The following LITAF variants were observed in gnomAD, a reference collection of about 807,000 sequenced individuals.
LITAF encodes lipopolysaccharide-induced tumor necrosis factor-alpha factor.
LITAF carries 9 observed loss-of-function variants against 14.5 expected under a neutral mutation model. The observed-to-expected ratio is 0.62, with a 90% CI of 0.37 to 1.08. The LOEUF (loss-of-function observed/expected upper bound fraction) is 1.08. Ranked by LOEUF, LITAF falls within the 50% of genes least tolerant of loss-of-function variation. The pLI is 0.01. For missense variants in LITAF, 206 were observed against 213.4 expected (o/e 0.97, Z 0.22); for synonymous variants, 98 against 88.2 (o/e 1.11, Z -0.62).
intron 3 of LITAF, among the ~76,000 whole-genome samples, chr16:11,624,836 T>C (rs944821100): frequency 2.6e-5 from 4 of 152,184 alleles, no homozygotes; most frequent in African/African-American, 4.8e-5. Context: ...CTTTGACCAA[T>C]AGAATATGGT....
Position 11,605,941 on chromosome 16 carries a change from C to A in LITAF, c.85+27592G>T, listed in dbSNP as rs140973426. 6.6e-6 allele frequency among the ~76,000 whole-genome samples: 1 copy of A among 152,330 alleles called. No individual in the cohort carries two copies. Among genetic ancestry groups the A allele is most frequent in the African/African-American group, 2.4e-5 (1 of 41,578 alleles). On this transcript the variant is annotated intron_variant, in intron 3 of 3. Coordinates refer to the LITAF transcript ENST00000574848. This position sits in a 1 kb window ranked among gnomAD's most constrained non-coding sequence, Gnocchi z 4.7. ...TCCCACGGCCTGCGCACAGCCTGAT[C>A]TTCTGGGAGCCCCCATTCTTCCTTC...
chr16:11,612,713 C>A (rs2064990141), intron 3 of LITAF, among the ~76,000 whole-genome samples: 1 of 152,174 alleles, frequency 6.6e-6, no homozygotes, highest in Non-Finnish European at 1.5e-5. Context: ...TCTCCCCTGA[C>A]ATCTCTGTTT....
chr16:11,628,547 G>A (rs1188932242), intron 3 of LITAF, among the ~76,000 whole-genome samples: 1 of 151,998 alleles, frequency 6.6e-6, no homozygotes, highest in East Asian at 1.9e-4. Flanking sequence ...TCTGTTGCCC[G>A]GGCTGGAGTG....
chr16:11,594,055 G>A (rs936887060), intron 1 of LITAF, among the ~76,000 whole-genome samples: 13 of 151,768 alleles, frequency 8.6e-5, no homozygotes, highest in Non-Finnish European at 1.3e-4. Context: ...GCATGGTGGC[G>A]CACAGCTATA....
chr16:11,627,848 A>C (rs1346659031), intron 3 of LITAF, among the ~76,000 whole-genome samples: 1 of 151,956 alleles, frequency 6.6e-6, no homozygotes, highest in East Asian at 1.9e-4. Context: ...AATATCAAAA[A>C]ATAAATAAAA....
upstream of LITAF, among the ~76,000 whole-genome samples, chr16:11,592,129 C>T (rs528514198): frequency 1.4e-4 from 21 of 152,246 alleles, no homozygotes; most frequent in South Asian, 2.1e-4. Flanking sequence ...AACTTTTGTG[C>T]GCCCAAGGAC....
chr16:11,556,502 C>A lies in LITAF; in HGVS notation c.220+9G>T. The A allele has an allele frequency of 6.2e-7, 1 of 1,609,296 alleles. No homozygotes were observed. Among genetic ancestry groups the A allele is most frequent in the African/African-American group, 1.3e-5 (1 of 74,966 alleles). On this transcript the variant is annotated intron_variant, in intron 2 of 3. Coordinates refer to ENST00000622633, the MANE Select transcript of LITAF (RefSeq NM_001136472.2). ...GAATGGTAAGGGGGGCCTGGGAGGC[C>A]ACACGTACTTGGATTGTTATTGGGG...
upstream of LITAF, among the ~76,000 whole-genome samples, chr16:11,637,205 C>G (rs898408956): frequency 6.6e-6 from 1 of 152,184 alleles, no homozygotes; most frequent in Non-Finnish European, 1.5e-5. Context: ...TAAATAATTT[C>G]TTTCTATCTC....
upstream of LITAF, among the ~76,000 whole-genome samples, chr16:11,588,230 C>A (rs997190823): frequency 6.6e-6 from 1 of 152,190 alleles, no homozygotes; most frequent in Non-Finnish European, 1.5e-5. Flanking sequence ...TGCAGTGGCT[C>A]TTGCCTATAG....
intron 1 of LITAF, among the ~76,000 whole-genome samples, chr16:11,574,038 C>T (rs1250151013): frequency 6.9e-6 from 1 of 144,424 alleles, no homozygotes; most frequent in South Asian, 2.2e-4. Flanking sequence ...TTTTTAAAGA[C>T]AGGTTCTCAC....
At chr16:11,571,359 G>A (rs2064539155) in intron 1 of LITAF, among the ~76,000 whole-genome samples, 2 of 152,252 alleles carry the variant, frequency 1.3e-5, no homozygotes, top group South Asian at 2.1e-4. Context: ...GAGCCACTGC[G>A]CCCAGTCGAC....
At chr16:11,596,471 G>A (rs117551543) in intron 1 of LITAF, among the ~76,000 whole-genome samples, 2,666 of 93,588 alleles carry the variant, frequency 0.028, 80 homozygotes, top group Non-Finnish European at 0.041. Context: ...GGAGGAGGAA[G>A]AGAGAAGTAA....
At chr16:11,609,088 GA>G (rs1567262406) in intron 3 of LITAF, among the ~76,000 whole-genome samples, 1 of 152,172 alleles carries the variant, frequency 6.6e-6, no homozygotes, top group African/African-American at 2.4e-5. Flanking sequence ...GGGGAACAAG[GA>G]AATTAGACAG....
At chr16:11,593,180 A>T (rs1412701508) in intron 1 of LITAF, among the ~76,000 whole-genome samples, 1 of 151,428 alleles carries the variant, frequency 6.6e-6, no homozygotes, top group Non-Finnish European at 1.5e-5. Context: ...CAAAATAAAT[A>T]AATAAATAAA....
upstream of LITAF, among the ~76,000 whole-genome samples, chr16:11,599,307 G>A (rs552476465): frequency 2.6e-5 from 4 of 151,906 alleles, no homozygotes; most frequent in South Asian, 2.1e-4. Flanking sequence ...TAGTAGAGAC[G>A]GGGTTTCACC....
intron 1 of LITAF, among the ~76,000 whole-genome samples, chr16:11,567,109 A>G (rs2064462465): frequency 6.6e-6 from 1 of 152,138 alleles, no homozygotes; most frequent in African/African-American, 2.4e-5. Flanking sequence ...GCAGGAGGAG[A>G]TCAAGTCGGG....
At chr16:11,624,713 G>GGAAGTGT (rs1567267066) in intron 3 of LITAF, among the ~76,000 whole-genome samples, 1 of 152,176 alleles carries the variant, frequency 6.6e-6, no homozygotes, top group African/African-American at 2.4e-5. Flanking sequence ...CTTCAGGAAG[G>GGAAGTGT]GAAGTGTGAT....
At chr16:11,607,212 G>T (rs2064959325) in intron 3 of LITAF, among the ~76,000 whole-genome samples, 1 of 152,222 alleles carries the variant, frequency 6.6e-6, no homozygotes, top group Non-Finnish European at 1.5e-5. Flanking sequence ...ATGTATAGCT[G>T]CCTTGCCAAG....
At chr16:11,630,570 CTT>C (rs66732953) in intron 3 of LITAF, among the ~76,000 whole-genome samples, 13 of 114,218 alleles carry the variant, frequency 1.1e-4, no homozygotes, top group Non-Finnish European at 1.0e-4. Context: ...CCCTGGCCAA[CTT>C]TTTTTTTTTT....
Sources: allele counts gnomAD v4.1 joint callset (sites outside exome capture counted in the v4.1 genomes callset), GRCh38; gene constraint gnomAD v4.1.1; non-coding constraint Gnocchi (gnomAD v3.1); transcripts MANE v1.5; gene names NCBI Gene and HGNC (gene_info 2026-07-23, HGNC 2026-07-21).